MYH15: variants seen among roughly 807,000 people sequenced by gnomAD.
MYH15 encodes the protein myosin heavy chain 15, also known as myosin-15.
A neutral mutation model predicts 240.5 loss-of-function variants in MYH15; 227 were observed. The ratio of observed to expected loss-of-function variants is 0.94; its 90% CI spans 0.85 to 1.05. MYH15 has a LOEUF of 1.05. MYH15 is among the 50% of genes least tolerant of loss of function. The pLI is 0.00. For missense variants in MYH15, 2,217 were observed against 2,247.5 expected (o/e 0.99, Z 0.27); for synonymous variants, 785 against 796.7 (o/e 0.99, Z 0.25).
At chr3:108,451,929 AT>A (rs1298593999) in intron 21 of MYH15, among the ~76,000 whole-genome samples, 2 of 151,956 alleles carry the variant, frequency 1.3e-5, no homozygotes, top group African/African-American at 2.4e-5. Context: ...TAATTTCCTG[AT>A]AAAAATGCTT....
intron 1 of MYH15, among the ~76,000 whole-genome samples, chr3:108,520,137 A>G (rs2083606338): frequency 6.6e-6 from 1 of 152,220 alleles, no homozygotes; most frequent in East Asian, 1.9e-4. Flanking sequence ...AGCAGGGACC[A>G]AGACTTGTCA....
chr3:108,402,153 G>A (rs1449869218), intron 33 of MYH15, among the ~76,000 whole-genome samples: 1 of 152,070 alleles, frequency 6.6e-6, no homozygotes, highest in Non-Finnish European at 1.5e-5. Context: ...ATATGAGCCA[G>A]CTTTAAAATA....
At chr3:108,511,676 T>C (rs764268347), upstream of MYH15, among the ~76,000 whole-genome samples, 1 of 152,196 alleles carries the variant, frequency 6.6e-6, no homozygotes, top group Non-Finnish European at 1.5e-5. Context: ...ACTCATCACA[T>C]TTATAGGTAA....
intron 1 of MYH15, among the ~76,000 whole-genome samples, chr3:108,528,099 CCTCT>C (rs1191035143): frequency 6.6e-6 from 1 of 152,082 alleles, no homozygotes; most frequent in African/African-American, 2.4e-5. Flanking sequence ...GACCTAATCG[CCTCT>C]TAATACTGTA....
At chr3:108,426,812 CA>C (rs200745662) in intron 27 of MYH15, among the ~76,000 whole-genome samples, 2,943 of 152,218 alleles carry the variant, frequency 0.019, 63 homozygotes, top group African/African-American at 0.054. Flanking sequence ...GAGCTCCTGC[CA>C]GGGGGGGGCA....
intron 27 of MYH15, among the ~76,000 whole-genome samples, chr3:108,426,099 AAGAG>A (rs1242053790): frequency 1.3e-5 from 2 of 152,120 alleles, no homozygotes; most frequent in Admixed American, 6.5e-5. Flanking sequence ...ACAAAATATG[AAGAG>A]AGAGAAATAA....
chr3:108,467,964 T>A (rs534172477), intron 14 of MYH15, among the ~76,000 whole-genome samples: 2 of 150,018 alleles, frequency 1.3e-5, no homozygotes, highest in East Asian at 3.9e-4. Context: ...TAGTTTGATA[T>A]AAACTTTTTT....
Position 108,460,305 on chromosome 3 carries a change from G to T in MYH15, c.1927C>A (p.His643Asn). Residue 643 changes from histidine (H) to asparagine (N), a missense_variant, in exon 17 of 41, where the codon CAT becomes AAT. Physicochemically the swap from His to Asn is moderately conservative, Grantham distance 68. Coordinates refer to ENST00000693548, the MANE Select transcript of MYH15 (RefSeq NM_014981.3). ...TAGACGCAATTAAAAATTACTTTAT[G>T]CAGAGATGCAACCGTTTGGAATGAA... ...GASFQTVASLHKENLNKLMTN... is the reference protein window; with the variant it reads ...GASFQTVASLNKENLNKLMTN... The T allele has an allele frequency of 6.3e-7, 1 of 1,596,828 alleles. No homozygotes were observed. The highest frequency in any genetic ancestry group is 8.5e-7 in the Non-Finnish European group (1 of 1,170,750).
intron 11 of MYH15, among the ~76,000 whole-genome samples, chr3:108,482,285 G>A (rs2083273384): frequency 6.6e-6 from 1 of 152,120 alleles, no homozygotes; most frequent in Non-Finnish European, 1.5e-5. Context: ...TGTTGAGTTT[G>A]AGATGGGCAC....
At chr3:108,492,076 A>G (rs1435205573) in intron 9 of MYH15, among the ~76,000 whole-genome samples, 3 of 151,994 alleles carry the variant, frequency 2.0e-5, no homozygotes, top group African/African-American at 7.2e-5. Context: ...CCCCATCTCT[A>G]TTAAAAAAGA....
intron 21 of MYH15, among the ~76,000 whole-genome samples, chr3:108,453,412 T>C (rs945191134): frequency 1.3e-5 from 2 of 152,232 alleles, no homozygotes; most frequent in African/African-American, 4.8e-5. Context: ...TAAATACAAC[T>C]TCAGCATCCC....
At chr3:108,545,702 C>G in the MYH15 span, among the ~76,000 whole-genome samples, 2 of 96,864 alleles carry the variant, frequency 2.1e-5, no homozygotes, top group East Asian at 7.2e-4. Context: ...CATACACACA[C>G]ACACACACAC....
chr3:108,485,385 T>G (rs571382546), intron 10 of MYH15, among the ~76,000 whole-genome samples, 156 bp from the exon 11 acceptor site: 1 of 152,328 alleles, frequency 6.6e-6, no homozygotes, highest in South Asian at 2.1e-4. Context: ...TGGCACTTGG[T>G]CACCCGCAGT....
chr3:108,482,961 G>A (rs957550613), intron 11 of MYH15, among the ~76,000 whole-genome samples: 5 of 152,006 alleles, frequency 3.3e-5, no homozygotes, highest in South Asian at 2.1e-4. Flanking sequence ...TTGGGAGGCC[G>A]AGGTGGGTAG....
chr3:108,440,005 C>T (rs1008351943), intron 23 of MYH15, 92 bp from the exon 24 acceptor site: 5 of 1,123,190 alleles, frequency 4.5e-6, no homozygotes, highest in Admixed American at 2.8e-5. Context: ...TCCAAAACTA[C>T]GCATGAGGTA....
intron 21 of MYH15, among the ~76,000 whole-genome samples, chr3:108,452,839 T>C (rs6775052): frequency 0.21 from 31,915 of 152,134 alleles, 4,343 homozygotes; most frequent in Non-Finnish European, 0.31. Flanking sequence ...TTGAGTTGGC[T>C]GGGTGCCATG....
In MYH15 at chr3:108,399,781, T is replaced by G. The variant is rs116828231; in HGVS notation, c.4737-514A>C. 1.0e-3 allele frequency among the ~76,000 whole-genome samples: 156 copies of G among 152,346 alleles called. 1 individual carries two copies. The highest frequency in any genetic ancestry group is 3.6e-3 in the African/African-American group (151 of 41,578). On this transcript the variant is annotated intron_variant, in intron 33 of 40. Coordinates refer to ENST00000693548, the MANE Select transcript of MYH15 (RefSeq NM_014981.3). ...GCCTGGAGACACAACTCTCCTAGAA[T>G]AAAATGGTTATCTTTCTCTAGGAGT...
chr3:108,419,060 T>C (rs1481857902), intron 28 of MYH15, among the ~76,000 whole-genome samples: 1 of 152,152 alleles, frequency 6.6e-6, no homozygotes, highest in East Asian at 1.9e-4. Flanking sequence ...TCCAAAAACA[T>C]CTTATTTAAA....
At chr3:108,486,111 AC>A (rs2083303502) in intron 10 of MYH15, among the ~76,000 whole-genome samples, 1 of 152,240 alleles carries the variant, frequency 6.6e-6, no homozygotes, top group South Asian at 2.1e-4. Context: ...AAAACAAAAA[AC>A]ACTAACATGA....
Sources: allele counts gnomAD v4.1 joint callset (sites outside exome capture counted in the v4.1 genomes callset), GRCh38; gene constraint gnomAD v4.1.1; transcripts MANE v1.5; gene names NCBI Gene and HGNC (gene_info 2026-07-23, HGNC 2026-07-21).